Variants in RAD23B observed in about 807,000 individuals in gnomAD.
RAD23B encodes the protein RAD23 nucleotide excision repair protein B.
In RAD23B, 5 loss-of-function variants were observed where a neutral mutation model predicts 49.1. That is an observed-to-expected ratio of 0.10 (90% confidence interval 0.05 to 0.21). The LOEUF is 0.21. RAD23B is among the 10% of genes least tolerant of loss of function. The pLI, the probability that RAD23B is intolerant of heterozygous loss-of-function variation, is 1.00. For missense variants in RAD23B, 356 were observed against 486.7 expected, an observed-to-expected ratio of 0.73 and a Z score of 2.53; for synonymous variants, 184 against 165.4, an observed-to-expected ratio of 1.11 and a Z score of -0.86.
chr9:107,306,514 A>G lies in RAD23B; in HGVS notation c.364A>G (p.Thr122Ala), dbSNP rs751220555. 6.2e-7 allele frequency: 1 copy of G among 1,613,940 alleles called. No homozygotes were observed. The highest frequency in any genetic ancestry group is 8.5e-7 in the Non-Finnish European group (1 of 1,179,962). The change falls in exon 4 of 10, where the codon ACA becomes GCA. Residue 122 changes from threonine (T) to alanine (A), a missense_variant. This residue lies in a region of RAD23B where 137 missense variants were observed against 122.0 expected (regional missense o/e 1.12). Transcript: ENST00000358015. ...TPVPALAPTS[T>A]PASITPASAT... ...TGTCCCTGCCTTGGCCCCCACTTCC[A>G]CACCTGCATCCATCACTCCAGCATC...
At chr9:107,286,270 T>C (rs141063051) in intron 1 of RAD23B, among the ~76,000 whole-genome samples, 81 of 152,290 alleles carry the variant, frequency 5.3e-4, no homozygotes, top group South Asian at 2.3e-3. Flanking sequence ...AGTAAATGTT[T>C]AGTGAGCTTT....
intron 5 of RAD23B, among the ~76,000 whole-genome samples, chr9:107,317,699 G>A (rs949236009): frequency 6.6e-6 from 1 of 151,622 alleles, no homozygotes; most frequent in Non-Finnish European, 1.5e-5. Context: ...CAACAATAAA[G>A]GTAATGGTCC....
intron 1 of RAD23B, among the ~76,000 whole-genome samples, chr9:107,296,567 T>TCTC (rs1055720240): frequency 1.5e-5 from 2 of 132,452 alleles, no homozygotes; most frequent in African/African-American, 7.6e-5. Context: ...TCTCTCTCTC[T>TCTC]TTTTTTTTTT....
At chr9:107,295,316 T>C (rs1826485310) in intron 1 of RAD23B, among the ~76,000 whole-genome samples, 1 of 151,980 alleles carries the variant, frequency 6.6e-6, no homozygotes, top group Admixed American at 6.6e-5. Flanking sequence ...TAGGTCTAAG[T>C]GTGAATGAAA....
Position 107,331,609 on chromosome 9 carries a change from C to G in RAD23B, c.*1953C>G, listed in dbSNP as rs770804710. 2.7e-6 allele frequency: 2 copies of G among 742,844 alleles called. No individual in the cohort carries two copies. The highest frequency in any genetic ancestry group is 3.9e-5 in the Admixed American group (2 of 51,678). The allele number at this position is 742,844 out of a possible 1,614,324, so 46.0% of individuals were successfully genotyped here. ...AGCAATGAGTTGGGAAAAGAGGTGG[C>G]ATTTCTGATCGGATAATGGAATACT... On this transcript the variant is annotated 3_prime_UTR_variant, in exon 10 of 10. Transcript: ENST00000358015.
chr9:107,300,449 T>A (rs895558758), intron 2 of RAD23B, among the ~76,000 whole-genome samples: 19 of 152,138 alleles, frequency 1.2e-4, no homozygotes, highest in African/African-American at 4.3e-4. Flanking sequence ...GTTTTATCTT[T>A]TGTAAGCATC....
At chr9:107,316,538 G>T (rs1827001476) in intron 5 of RAD23B, among the ~76,000 whole-genome samples, 1 of 152,058 alleles carries the variant, frequency 6.6e-6, no homozygotes, top group East Asian at 1.9e-4. Flanking sequence ...CTTTGTGCTC[G>T]AATTATATCA....
In RAD23B at chr9:107,322,033, A is replaced by G. The variant is rs1288736921; in HGVS notation, c.732A>G (p.Ala244=). The part of the protein sequence containing the change: ...ESQAVVDPPQ[A]ASTGAPQSSA... ...AGGCTGTGGTTGACCCCCCTCAAGC[A>G]GCTAGTACTGGGGCTCCTCAGTCTT... The change falls in exon 7 of 10, where the codon GCA becomes GCG. Residue 244 remains alanine, a synonymous_variant. Transcript: ENST00000358015. 1.2e-6 allele frequency: 2 copies of G among 1,613,502 alleles called. No individual in the cohort carries two copies. Among genetic ancestry groups the G allele is most frequent in the Non-Finnish European group, 8.5e-7 (1 of 1,179,748 alleles).
intron 1 of RAD23B, among the ~76,000 whole-genome samples, chr9:107,292,676 CAAAAAAAA>C (rs3056493): frequency 1.4e-4 from 12 of 82,760 alleles, no homozygotes; most frequent in African/African-American, 5.2e-4. Context: ...GAGACTCTGT[CAAAAAAAA>C]AAAAAAAAAA....
chr9:107,329,121 G>GT (rs1342529268), intron 9 of RAD23B, among the ~76,000 whole-genome samples: 1 of 152,124 alleles, frequency 6.6e-6, no homozygotes, highest in Non-Finnish European at 1.5e-5. Flanking sequence ...AATAGGTGAG[G>GT]TGGTTAAACT....
At chr9:107,316,117 C>T (rs1430019100) in intron 5 of RAD23B, among the ~76,000 whole-genome samples, 1 of 151,936 alleles carries the variant, frequency 6.6e-6, no homozygotes, top group Non-Finnish European at 1.5e-5. Context: ...TCAAGCAATT[C>T]TCCTGCCTCA....
At chr9:107,313,614 A>G (rs1006335853) in intron 5 of RAD23B, among the ~76,000 whole-genome samples, 10 of 152,210 alleles carry the variant, frequency 6.6e-5, no homozygotes, top group African/African-American at 2.4e-4. Flanking sequence ...AATTATGGGA[A>G]TGACCAATAC....
intron 3 of RAD23B, 48 bp downstream of exon 3, chr9:107,302,162 TA>T: frequency 6.2e-7 from 1 of 1,606,140 alleles, no homozygotes; most frequent in South Asian, 1.1e-5. Context: ...TAGGTCTTTT[TA>T]AAAATGATGA....
intron 1 of RAD23B, chr9:107,284,901 T>C: frequency 5.4e-6 from 7 of 1,289,412 alleles, no homozygotes; most frequent in Non-Finnish European, 7.2e-6. Flanking sequence ...TGCAGAGATG[T>C]GAAGATTAGA....
At chr9:107,294,203 A>G (rs1833442459) in intron 1 of RAD23B, among the ~76,000 whole-genome samples, 1 of 152,186 alleles carries the variant, frequency 6.6e-6, no homozygotes, top group Non-Finnish European at 1.5e-5. Context: ...CATGCCCATC[A>G]TGTTTAATAT....
intron 1 of RAD23B, among the ~76,000 whole-genome samples, chr9:107,297,133 T>G: frequency 6.6e-6 from 1 of 152,122 alleles, no homozygotes; most frequent in South Asian, 2.1e-4. Context: ...ATTACAGGCA[T>G]GAGCCACTGC....
chr9:107,303,770 A>G (rs114011903), intron 3 of RAD23B, among the ~76,000 whole-genome samples: 1,696 of 152,278 alleles, frequency 0.011, 24 homozygotes, highest in African/African-American at 0.036. Context: ...GTTTTAGCAT[A>G]CATAGTACAT....
At chr9:107,317,112 G>C (rs1827014179) in intron 5 of RAD23B, among the ~76,000 whole-genome samples, 1 of 152,044 alleles carries the variant, frequency 6.6e-6, no homozygotes, top group South Asian at 2.1e-4. Context: ...GTGTGTGTGT[G>C]TGTGTGTGTT....
intron 6 of RAD23B, among the ~76,000 whole-genome samples, chr9:107,319,509 A>G (rs1176327741): frequency 2.6e-5 from 4 of 152,158 alleles, no homozygotes; most frequent in Non-Finnish European, 5.9e-5. Flanking sequence ...CCAGCTTTTT[A>G]AAAACTGGGA....
Sources: gnomAD v4.1 joint callset for allele counts (sites outside exome capture counted in the v4.1 genomes callset) on GRCh38, gnomAD v4.1.1 for gene constraint, gnomAD v4.1.1 regional missense constraint, MANE v1.5 for transcripts, NCBI Gene and HGNC (gene_info 2026-07-23, HGNC 2026-07-21) for gene names.